Variants in HSPA4L observed in about 807,000 individuals in gnomAD.
HSPA4L encodes the protein heat shock protein family A (Hsp70) member 4 like.
A neutral mutation model predicts 100.3 loss-of-function variants in HSPA4L; 48 were observed. The observed-to-expected ratio is 0.48, with a 90% confidence interval of 0.38 to 0.61. HSPA4L has a LOEUF of 0.61. HSPA4L is among the 20% of genes least tolerant of loss of function. The probability of loss-of-function intolerance (pLI) is 0.00; values close to 1 mark genes in which losing one functional copy is unlikely to be tolerated. For synonymous variants in HSPA4L, 319 were observed against 328.2 expected (o/e 0.97, Z 0.30); for missense variants, 886 against 988.6 (o/e 0.90, Z 1.39).
In HSPA4L at chr4:127,803,700, T is replaced by C. The variant is rs746918065; in HGVS notation, c.735T>C (p.Cys245=). The change falls in exon 7 of 19, where the codon TGT becomes TGC. Residue 245 remains cysteine, a synonymous_variant. Transcript: ENST00000296464. Reference sequence around the variant, plus strand: ...ATGAGGCTTTAGTAGACTACTTCTGTGATGAGTTCAAGACCAAATATAAGA... The same window carrying C: ...ATGAGGCTTTAGTAGACTACTTCTGCGATGAGTTCAAGACCAAATATAAGA... ...NFDEALVDYF[C]DEFKTKYKIN... 1 of 1,613,794 alleles carries C rather than the reference T, an allele frequency of 6.2e-7. No homozygotes were observed. The highest frequency in any genetic ancestry group is 8.5e-7 in the Non-Finnish European group (1 of 1,179,922).
intron 1 of HSPA4L, among the ~76,000 whole-genome samples, chr4:127,786,542 T>C (rs1204149918): frequency 6.6e-6 from 1 of 152,244 alleles, no homozygotes. Flanking sequence ...CATAGCTCAC[T>C]GCAGCCTTGA....
At chr4:127,827,581 G>T (rs567219359) in intron 17 of HSPA4L, among the ~76,000 whole-genome samples, 157 bp downstream of exon 17, 1 of 152,110 alleles carries the variant, frequency 6.6e-6, no homozygotes, top group South Asian at 2.1e-4. Context: ...TTTTATTGGA[G>T]AATTTCACTT....
At chr4:127,824,872 C>T (rs1042208908) in intron 16 of HSPA4L, among the ~76,000 whole-genome samples, 2 of 152,226 alleles carry the variant, frequency 1.3e-5, no homozygotes, top group Admixed American at 6.5e-5. Flanking sequence ...CGCAGTGGCT[C>T]ACGCCTCTAA....
In HSPA4L at chr4:127,813,100, T is replaced by C. The variant is rs138877801; in HGVS notation, c.1578+1464T>C. 4,028 of 1,260,462 alleles carry C rather than the reference T, an allele frequency of 3.2e-3. 110 individuals are homozygous for C. In the East Asian group the frequency reaches 0.062, roughly 19 times the overall value. The allele number at this position is 1,260,462 out of a possible 1,614,324, so 78.1% of individuals were successfully genotyped here. ...GATGTCTACAATATCACCTTTCTTA[T>C]AGATTCGCATATACGTGGCCAAAGG... On this transcript the variant is annotated intron_variant, in intron 12 of 18. Coordinates refer to ENST00000296464, the MANE Select transcript of HSPA4L (RefSeq NM_014278.4).
chr4:127,822,915 T>A, intron 15 of HSPA4L, 21 bp downstream of exon 15: 1 of 1,607,962 alleles, frequency 6.2e-7, no homozygotes, highest in Non-Finnish European at 8.5e-7. Flanking sequence ...ATTCTGTTAA[T>A]TTTTTGTGAG....
In HSPA4L at chr4:127,836,634, A is replaced by G. The variant is rs1216299346; in HGVS notation, c.*3760A>G. The G allele has an allele frequency of 1.3e-5, 2 of 151,964 alleles. No individual in the cohort carries two copies. The highest frequency in any genetic ancestry group is 2.4e-5 in the African/African-American group (1 of 41,400). The allele number at this position is 151,964 out of a possible 1,614,324, so 9.4% of individuals were successfully genotyped here. A position where few individuals can be genotyped will look rare whatever the true frequency, so the allele number is the denominator to read the frequency against. On this transcript the variant is annotated 3_prime_UTR_variant, in exon 19 of 19. Transcript: ENST00000296464. ...ACATAATGTCAGTGTTAAAGCACTT[A>G]ATCCAAATTAGCCCATCTTTAACTG...
At chr4:127,813,496 A>G (rs1733596178) in intron 12 of HSPA4L, 1 of 242,414 alleles carries the variant, frequency 4.1e-6, no homozygotes, top group South Asian at 9.3e-5. Context: ...TCATAAATTA[A>G]CATAATAATT....
At chr4:127,832,614 G>A (rs1734110959) in intron 18 of HSPA4L, 69 bp from the exon 19 acceptor site, 1 of 1,305,666 alleles carries the variant, frequency 7.7e-7, no homozygotes, top group South Asian at 1.6e-5. Context: ...AGTTAATGTG[G>A]AATTTAGAAA....
intron 1 of HSPA4L, chr4:127,783,383 A>T: frequency 2.0e-6 from 1 of 511,152 alleles, no homozygotes; most frequent in Non-Finnish European, 2.5e-6. Flanking sequence ...GGGTCGGACC[A>T]AAAGCGTGTT....
chr4:127,830,690 G>C lies in HSPA4L; in HGVS notation c.2219G>C (p.Cys740Ser). Residue 740 changes from cysteine (C) to serine (S), a missense_variant, in exon 18 of 19, where the codon TGT (cysteine) becomes TCT (serine). By Grantham distance (112) the Cys-to-Ser change is moderately radical. Transcript: ENST00000296464. ...ACTGAAATGGAAAAGGTTGAAAAAT[G>C]TATCAGTGATGCCATGAGTTGGCTG... Reference protein sequence around the residue: ...DPTEMEKVEKCISDAMSWLNS... With the variant: ...DPTEMEKVEKSISDAMSWLNS... 1 of 1,609,360 alleles carries C rather than the reference G, an allele frequency of 6.2e-7. No individual in the cohort carries two copies. Among genetic ancestry groups the C allele is most frequent in the African/African-American group, 1.3e-5 (1 of 74,630 alleles).
chr4:127,823,405 T>C, intron 15 of HSPA4L, 112 bp from the exon 16 acceptor site: 1 of 695,686 alleles, frequency 1.4e-6, no homozygotes, highest in Non-Finnish European at 2.4e-6. Context: ...CACCTTGGCC[T>C]TTCAAAGTGT....
intron 11 of HSPA4L, among the ~76,000 whole-genome samples, chr4:127,810,903 A>G (rs969521748): frequency 3.3e-5 from 5 of 152,168 alleles, no homozygotes; most frequent in African/African-American, 7.2e-5. Context: ...TAGATAATAT[A>G]TATATGAGAT....
intron 17 of HSPA4L, among the ~76,000 whole-genome samples, chr4:127,829,768 A>G (rs1041928929): frequency 2.1e-4 from 32 of 151,952 alleles, no homozygotes; most frequent in African/African-American, 6.7e-4. Context: ...GGTTCAGGCT[A>G]GAGATTTTTT....
At chr4:127,796,227 C>T (rs1322978358) in intron 3 of HSPA4L, among the ~76,000 whole-genome samples, 1 of 151,948 alleles carries the variant, frequency 6.6e-6, no homozygotes, top group Non-Finnish European at 1.5e-5. Flanking sequence ...AGAATGGACC[C>T]AAAAAGTATG....
At chr4:127,796,227 C>G (rs1322978358) in intron 3 of HSPA4L, among the ~76,000 whole-genome samples, 2 of 151,948 alleles carry the variant, frequency 1.3e-5, no homozygotes, top group Non-Finnish European at 2.9e-5. Context: ...AGAATGGACC[C>G]AAAAAGTATG....
upstream of HSPA4L, chr4:127,782,300 C>T (rs561703640): frequency 1.7e-3 from 838 of 486,522 alleles, 17 homozygotes; most frequent in South Asian, 0.014. Context: ...CAGTAACCGC[C>T]GGTTGGAGGC....
chr4:127,820,278 A>G (rs1024157357), intron 13 of HSPA4L, 150 bp from the exon 14 acceptor site: 2 of 588,792 alleles, frequency 3.4e-6, no homozygotes. Flanking sequence ...GATTTAACAT[A>G]CACAGACTAC....
rs768839319 is a variant in HSPA4L at position 127,801,896 on chromosome 4, C to T, written c.641C>T (p.Ala214Val). The change falls in exon 6 of 19, where the codon GCT becomes GTT. Residue 214 changes from alanine (A) to valine (V), a missense_variant. By Grantham distance (64) the Ala-to-Val change is moderately conservative. Coordinates refer to ENST00000296464, the MANE Select transcript of HSPA4L (RefSeq NM_014278.4). ...GHSAYQVLVC[A>V]FNKGKLKVLA... ...TCTGCCTATCAGGTCTTGGTTTGTG[C>T]TTTTAACAAAGGAAAACTTAAAGTA... 3 of 1,599,866 alleles carry T rather than the reference C, an allele frequency of 1.9e-6. No individual in the cohort carries two copies. The highest frequency in any genetic ancestry group is 2.6e-6 in the Non-Finnish European group (3 of 1,174,146).
intron 10 of HSPA4L, 145 bp downstream of exon 10, chr4:127,805,938 T>C: frequency 4.0e-6 from 2 of 498,664 alleles, no homozygotes; most frequent in Admixed American, 6.8e-5. Context: ...AAAAATGATA[T>C]ATCACCTATA....
Sources: gnomAD v4.1 joint callset for allele counts (sites outside exome capture counted in the v4.1 genomes callset) on GRCh38, gnomAD v4.1.1 for gene constraint, MANE v1.5 for transcripts, NCBI Gene and HGNC (gene_info 2026-07-23, HGNC 2026-07-21) for gene names.